Variants in PPFIA2 observed in about 807,000 individuals in gnomAD.
PPFIA2 encodes PPFI scaffold protein A2.
Under a neutral mutation model 175.5 loss-of-function variants are expected in PPFIA2, and 46 were observed. The observed-to-expected ratio is 0.26, with a 90% confidence interval of 0.21 to 0.34. The LOEUF (loss-of-function observed/expected upper bound fraction) is 0.34. PPFIA2 is among the 10% of genes least tolerant of loss of function. The probability of loss-of-function intolerance (pLI) is 1.00; values close to 1 mark genes in which losing one functional copy is unlikely to be tolerated. For synonymous variants in PPFIA2, 568 were observed against 511.4 expected (o/e 1.11, Z -1.49); for missense variants, 1,179 against 1,506.1 (o/e 0.78, Z 3.60).
In PPFIA2 at chr12:81,344,682, C is replaced by T; in HGVS notation, c.2244G>A (p.Leu748=). Reference sequence around the variant, plus strand: ...ACTGTACCTTTCTCCGATGTTTCCTCAGATCACTTGGCTGTGATTGGCAGT... The same window carrying T: ...ACTGTACCTTTCTCCGATGTTTCCTTAGATCACTTGGCTGTGATTGGCAGT... The part of the protein sequence containing the change: ...RMGVMTLPSD[L]RKHRRKIAVV... The change falls in exon 19 of 33, where the codon CTG becomes CTA. Residue 748 remains leucine, a synonymous_variant. Coordinates refer to ENST00000549396, the MANE Select transcript of PPFIA2 (RefSeq NM_003625.5). 6.4e-7 allele frequency: 1 copy of T among 1,557,326 alleles called. No individual in the cohort carries two copies. The highest frequency in any genetic ancestry group is 8.7e-7 in the Non-Finnish European group (1 of 1,146,006).
intron 5 of PPFIA2, among the ~76,000 whole-genome samples, chr12:81,456,961 G>GT (rs983814245): frequency 3.4e-4 from 51 of 149,114 alleles, no homozygotes; most frequent in African/African-American, 4.9e-4. Context: ...TTTTTTTTCA[G>GT]TTTTTTTTTC....
At chr12:81,378,340 A>G (rs1292279049) in intron 9 of PPFIA2, 1 of 151,884 alleles carries the variant, frequency 6.6e-6, no homozygotes. Context: ...GCTCAATCCT[A>G]CTGACCACCA....
chr12:81,743,291 C>A (rs976514302), intron 3 of PPFIA2, among the ~76,000 whole-genome samples: 2 of 151,500 alleles, frequency 1.3e-5, no homozygotes, highest in African/African-American at 4.9e-5. Context: ...GTGGCACATG[C>A]CTGTTGCCCC....
At chr12:81,369,272 T>C (rs2034436485) in intron 11 of PPFIA2, 78 bp from the exon 12 acceptor site, 13 of 1,553,682 alleles carry the variant, frequency 8.4e-6, no homozygotes, top group African/African-American at 2.7e-5. Context: ...TGAAATAAAA[T>C]GTAAAGCAAG....
chr12:81,570,870 T>G (rs1358980690), intron 4 of PPFIA2, among the ~76,000 whole-genome samples: 1 of 151,976 alleles, frequency 6.6e-6, no homozygotes, highest in African/African-American at 2.4e-5. Flanking sequence ...CGAAACTAAC[T>G]GAAGATATGA....
intron 4 of PPFIA2, among the ~76,000 whole-genome samples, chr12:81,674,193 A>G (rs1031855560): frequency 6.6e-6 from 1 of 152,068 alleles, no homozygotes; most frequent in African/African-American, 2.4e-5. Context: ...TGAGATTTCT[A>G]TTACACTGGC....
chr12:81,296,999 G>C (rs1009123972), intron 23 of PPFIA2, among the ~76,000 whole-genome samples: 1 of 152,128 alleles, frequency 6.6e-6, no homozygotes, highest in Non-Finnish European at 1.5e-5. Flanking sequence ...TTTCATTCCT[G>C]CTAGTCCCCT....
rs77142151 is a variant in PPFIA2, at chr12:81,437,292, C to G, written c.645+2680G>C. On this transcript the variant is annotated intron_variant, in intron 7 of 32. Transcript: ENST00000549396. ...TTGCCTAGGCTGGAGTGCAGTGGCG[C>G]GATCTCGGCTCACTGCAAGCTCTGC... is the stretch of plus-strand genomic sequence containing the variant. 1.8e-3 allele frequency among the ~76,000 whole-genome samples: 271 copies of G among 152,226 alleles called. 7 individuals are homozygous for G. In the East Asian group the frequency reaches 0.044, roughly 25 times the overall value.
intron 3 of PPFIA2, among the ~76,000 whole-genome samples, chr12:81,689,929 C>T (rs201002329): frequency 6.6e-6 from 1 of 152,028 alleles, no homozygotes; most frequent in African/African-American, 2.4e-5. Flanking sequence ...TGTTTGAGAG[C>T]AATCAAAACA....
At chr12:81,337,583 G>A (rs2057332339) in intron 21 of PPFIA2, among the ~76,000 whole-genome samples, 2 of 151,922 alleles carry the variant, frequency 1.3e-5, no homozygotes, top group Admixed American at 1.3e-4. Context: ...AATTTCTAAT[G>A]ATTTAGGAAT....
chr12:81,690,099 T>C lies in PPFIA2; in HGVS notation c.250-13255A>G, dbSNP rs554150168. Among the ~76,000 whole-genome samples, 5 of 152,174 alleles carry C rather than the reference T, an allele frequency of 3.3e-5. No homozygotes were observed. The East Asian group carries it at 9.7e-4, about 30-fold the overall frequency. Reference sequence around the variant, plus strand: ...AGTACAGTACCACTCAAAGCAAGAATATAGTGGCATTTTAATGGCAGATAA... The same window carrying C: ...AGTACAGTACCACTCAAAGCAAGAACATAGTGGCATTTTAATGGCAGATAA... On this transcript the variant is annotated intron_variant, in intron 3 of 32. Transcript: ENST00000549396.
intron 3 of PPFIA2, among the ~76,000 whole-genome samples, chr12:81,711,514 T>G (rs960588168): frequency 1.3e-5 from 2 of 151,466 alleles, no homozygotes; most frequent in African/African-American, 4.8e-5. Context: ...CTCTATTATC[T>G]CCTATTGTTT....
chr12:81,493,944 C>T lies in PPFIA2; in HGVS notation c.304-36078G>A, dbSNP rs1480758537. Reference sequence around the variant, plus strand: ...TTATTATTAGAAATTTCAGAAAAAGCAAAGTTGAAAAAGTGTCATTTAGGT... The same window carrying T: ...TTATTATTAGAAATTTCAGAAAAAGTAAAGTTGAAAAAGTGTCATTTAGGT... On this transcript the variant is annotated intron_variant, in intron 4 of 32. Transcript: ENST00000549396. Among the ~76,000 whole-genome samples, 6 of 151,186 alleles carry T rather than the reference C, an allele frequency of 4.0e-5. No individual in the cohort carries two copies. The South Asian group carries it at 8.3e-4, about 21-fold the overall frequency.
At chr12:81,586,463 T>C (rs1725935770) in intron 4 of PPFIA2, among the ~76,000 whole-genome samples, 1 of 151,930 alleles carries the variant, frequency 6.6e-6, no homozygotes, top group African/African-American at 2.4e-5. Context: ...TATTCTCTTT[T>C]AATTTGTAGA....
At chr12:81,616,694 A>G (rs1167805659) in intron 4 of PPFIA2, among the ~76,000 whole-genome samples, 1 of 152,204 alleles carries the variant, frequency 6.6e-6, no homozygotes, top group Non-Finnish European at 1.5e-5. Context: ...TCTACTTGAC[A>G]TTCACCACAC....
chr12:81,553,398 C>T (rs1228894397), intron 4 of PPFIA2, among the ~76,000 whole-genome samples: 1 of 151,932 alleles, frequency 6.6e-6, no homozygotes, highest in Non-Finnish European at 1.5e-5. Flanking sequence ...CTCTTTTGAA[C>T]GTTAGCTTGT....
chr12:81,650,454 A>G (rs2066869640), intron 4 of PPFIA2, among the ~76,000 whole-genome samples: 1 of 152,082 alleles, frequency 6.6e-6, no homozygotes, highest in Non-Finnish European at 1.5e-5. Context: ...AGTATTTTTC[A>G]TTTTTTTCTT....
At chr12:81,441,210 C>G (rs2050121750) in intron 6 of PPFIA2, among the ~76,000 whole-genome samples, 1 of 151,618 alleles carries the variant, frequency 6.6e-6, no homozygotes, top group South Asian at 2.1e-4. Flanking sequence ...AGCAAACAAA[C>G]AAAAAGTCAG....
At chr12:81,352,992 G>A (rs2060287096) in intron 17 of PPFIA2, 127 bp downstream of exon 17, 2 of 735,874 alleles carry the variant, frequency 2.7e-6, no homozygotes, top group Non-Finnish European at 4.5e-6. Flanking sequence ...TACGGGGTGA[G>A]GTCTGAGATT....
Sources: allele counts gnomAD v4.1 joint callset (sites outside exome capture counted in the v4.1 genomes callset), GRCh38; gene constraint gnomAD v4.1.1; transcripts MANE v1.5; gene names NCBI Gene and HGNC (gene_info 2026-07-23, HGNC 2026-07-21).